DCLK1: variants seen among roughly 807,000 people sequenced by gnomAD.
DCLK1 encodes doublecortin like kinase 1, also known as serine/threonine-protein kinase DCLK1.
In DCLK1, 16 loss-of-function variants were observed where a neutral mutation model predicts 86.2. The observed-to-expected ratio is 0.19, with a 90% CI of 0.13 to 0.28. The LOEUF (loss-of-function observed/expected upper bound fraction) is 0.28. DCLK1 is among the 10% of genes least tolerant of loss of function. DCLK1 has a pLI of 1.00. For synonymous variants in DCLK1, 369 were observed against 370.5 expected, an observed-to-expected ratio of 1.00 and a Z score of 0.05; for missense variants, 590 against 940.2, an observed-to-expected ratio of 0.63 and a Z score of 4.87.
chr13:35,825,326 T>C (rs771496889), intron 10 of DCLK1, among the ~76,000 whole-genome samples: 7 of 152,076 alleles, frequency 4.6e-5, no homozygotes, highest in Non-Finnish European at 8.8e-5. Flanking sequence ...CTGGGTGAGA[T>C]TAAATCGAAG....
intron 3 of DCLK1, among the ~76,000 whole-genome samples, chr13:36,111,606 A>G (rs1324797041): frequency 6.6e-6 from 1 of 152,238 alleles, no homozygotes; most frequent in African/African-American, 2.4e-5. Context: ...CATTATGTTA[A>G]GCAAATAATA....
chr13:36,103,133 G>A (rs1885274613), intron 3 of DCLK1, among the ~76,000 whole-genome samples: 1 of 152,160 alleles, frequency 6.6e-6, no homozygotes, highest in Admixed American at 6.5e-5. Context: ...AGGTGCAGTG[G>A]CTCACGCCTG....
rs1195324481 is a variant in DCLK1 at position 35,771,558 on chromosome 13, T to C, written c.*2977A>G. On this transcript the variant is annotated 3_prime_UTR_variant, in exon 17 of 17. Transcript: ENST00000360631. ...ATGTGTTCATTAATATGAACACATG[T>C]CTACAGAGATGATTTACACGATGCA... The C allele has an allele frequency of 6.6e-6, 1 of 152,186 alleles. No individual in the cohort carries two copies. The highest frequency in any genetic ancestry group is 1.9e-4 in the East Asian group (1 of 5,196). 9.4% of individuals were successfully genotyped at this position (152,186 alleles called of 1,614,324 possible).
At chr13:36,130,739 T>TGG (rs571108624) in intron 1 of DCLK1, among the ~76,000 whole-genome samples, 337 of 152,166 alleles carry the variant, frequency 2.2e-3, no homozygotes, top group African/African-American at 7.6e-3. Flanking sequence ...CTTCCTTGGT[T>TGG]CCCGCTCCGC....
chr13:35,986,915 T>C (rs1402046235), intron 3 of DCLK1, among the ~76,000 whole-genome samples: 1 of 152,184 alleles, frequency 6.6e-6, no homozygotes, highest in Non-Finnish European at 1.5e-5. Context: ...GGAAAGATGG[T>C]GAGGAGGAAA....
At chr13:35,948,462 G>A (rs929910517) in intron 3 of DCLK1, among the ~76,000 whole-genome samples, 4 of 152,216 alleles carry the variant, frequency 2.6e-5, no homozygotes, top group East Asian at 3.9e-4. Flanking sequence ...TTTGTAATGC[G>A]CTCCTCTCTG....
At chr13:35,907,456 C>T (rs1259644376) in intron 4 of DCLK1, among the ~76,000 whole-genome samples, 1 of 152,180 alleles carries the variant, frequency 6.6e-6, no homozygotes, top group African/African-American at 2.4e-5. Flanking sequence ...AGCCACTGTC[C>T]CTGGCCCACA....
intron 3 of DCLK1, among the ~76,000 whole-genome samples, chr13:35,975,789 T>C (rs1879300931): frequency 6.6e-6 from 1 of 152,110 alleles, no homozygotes; most frequent in Non-Finnish European, 1.5e-5. Flanking sequence ...AAACCTGATG[T>C]CTAATGACAT....
At chr13:35,881,703 A>G (rs541021809) in intron 4 of DCLK1, among the ~76,000 whole-genome samples, 2 of 152,024 alleles carry the variant, frequency 1.3e-5, no homozygotes, top group African/African-American at 4.8e-5. Flanking sequence ...CACCTTGGAG[A>G]GTGCCACCCT....
At chr13:35,872,897 A>G (rs1223708658) in intron 4 of DCLK1, among the ~76,000 whole-genome samples, 1 of 152,076 alleles carries the variant, frequency 6.6e-6, no homozygotes, top group Non-Finnish European at 1.5e-5. Context: ...TATTTTATAC[A>G]TTTTCCATAC....
At chr13:36,123,229 G>T (rs1244673144) in intron 2 of DCLK1, among the ~76,000 whole-genome samples, 1 of 152,166 alleles carries the variant, frequency 6.6e-6, no homozygotes, top group Non-Finnish European at 1.5e-5. Flanking sequence ...CCAACGGTTT[G>T]CATTTTAACA....
At chr13:35,951,258 AATGGATGGATGC>A (rs1329942695) in intron 3 of DCLK1, among the ~76,000 whole-genome samples, 11 of 119,904 alleles carry the variant, frequency 9.2e-5, no homozygotes, top group African/African-American at 3.4e-4. Flanking sequence ...TGGATGGATT[AATGGATGGATGC>A]ATGGATGGAT....
At chr13:35,915,673 C>T (rs1199342994) in intron 4 of DCLK1, among the ~76,000 whole-genome samples, 1 of 152,134 alleles carries the variant, frequency 6.6e-6, no homozygotes, top group Non-Finnish European at 1.5e-5. Flanking sequence ...CACTGCACTC[C>T]AGCCTGGGTG....
At chr13:35,853,701 A>G (rs1870830335) in intron 6 of DCLK1, among the ~76,000 whole-genome samples, 1 of 152,224 alleles carries the variant, frequency 6.6e-6, no homozygotes, top group Non-Finnish European at 1.5e-5. Flanking sequence ...AGTGAGCACC[A>G]TCATGAAACC....
intron 6 of DCLK1, chr13:35,848,558 T>C: frequency 1.0e-6 from 1 of 985,306 alleles, no homozygotes; most frequent in South Asian, 4.7e-5. Context: ...TATCGGCAAT[T>C]AGTACAAGTC....
chr13:35,976,899 C>G (rs1325487715), intron 3 of DCLK1, among the ~76,000 whole-genome samples: 1 of 152,100 alleles, frequency 6.6e-6, no homozygotes, highest in Non-Finnish European at 1.5e-5. Context: ...TTCAGTCACA[C>G]AAATGAACAG....
intron 3 of DCLK1, among the ~76,000 whole-genome samples, chr13:35,998,746 C>T (rs1170991): frequency 0.85 from 129,291 of 152,170 alleles, 55,010 homozygotes; most frequent in East Asian, 0.97. Context: ...CTAACCTTTT[C>T]AGAGCTACAC....
intron 15 of DCLK1, among the ~76,000 whole-genome samples, chr13:35,793,985 G>C (rs1227966538): frequency 6.6e-6 from 1 of 152,102 alleles, no homozygotes; most frequent in Non-Finnish European, 1.5e-5. Context: ...TAAAATTCCA[G>C]GCAGCCTTCC....
At chr13:35,885,481 C>T (rs761104994) in intron 4 of DCLK1, among the ~76,000 whole-genome samples, 3 of 152,180 alleles carry the variant, frequency 2.0e-5, no homozygotes, top group Non-Finnish European at 2.9e-5. Context: ...CAGGCTGAAG[C>T]TCTGTGCTTA....
Sources: allele counts gnomAD v4.1 joint callset (sites outside exome capture counted in the v4.1 genomes callset), GRCh38; gene constraint gnomAD v4.1.1; transcripts MANE v1.5; gene names NCBI Gene and HGNC (gene_info 2026-07-23, HGNC 2026-07-21).